CDK14: variants seen among roughly 807,000 people sequenced by gnomAD.
CDK14 encodes cyclin-dependent kinase 14.
In CDK14, 34 loss-of-function variants were observed where a neutral mutation model predicts 60.7. That is an observed-to-expected ratio of 0.56 (90% confidence interval 0.43 to 0.75). The LOEUF (loss-of-function observed/expected upper bound fraction) is 0.75, where lower values mean the gene tolerates loss of function less well. CDK14 is among the 30% of genes least tolerant of loss of function. The probability of loss-of-function intolerance (pLI) is 0.00; values close to 1 mark genes in which losing one functional copy is unlikely to be tolerated. For synonymous variants in CDK14, 197 were observed against 203.7 expected (o/e 0.97, Z 0.28); for missense variants, 482 against 564.1 (o/e 0.85, Z 1.47).
chr7:90,631,088 C>T (rs1190672356), intron 2 of CDK14, among the ~76,000 whole-genome samples: 1 of 152,160 alleles, frequency 6.6e-6, no homozygotes, highest in African/African-American at 2.4e-5. Context: ...CAGAACCCCC[C>T]TTCTCATGGA....
chr7:90,613,604 T>C (rs1010469491), intron 2 of CDK14, among the ~76,000 whole-genome samples: 1 of 152,068 alleles, frequency 6.6e-6, no homozygotes, highest in Non-Finnish European at 1.5e-5. Context: ...AGAGAATTGC[T>C]TGAACCTGGG....
chr7:91,081,545 A>G (rs1050073205), intron 12 of CDK14, among the ~76,000 whole-genome samples: 9 of 152,212 alleles, frequency 5.9e-5, no homozygotes, highest in African/African-American at 2.2e-4. Context: ...TTAAGTAACA[A>G]TGCTTTTAAA....
intron 11 of CDK14, 125 bp from the exon 12 acceptor site, chr7:91,079,306 AC>A: frequency 1.6e-6 from 1 of 608,932 alleles, no homozygotes; most frequent in South Asian, 2.2e-5. Flanking sequence ...AAAAGTGAAG[AC>A]CTTACTATGC....
intron 9 of CDK14, among the ~76,000 whole-genome samples, chr7:90,981,919 A>G (rs1383899154): frequency 6.6e-6 from 1 of 152,136 alleles, no homozygotes; most frequent in Non-Finnish European, 1.5e-5. Context: ...GTAGCCATTC[A>G]TGCTACTTCC....
chr7:91,127,030 G>GTT (rs1799971157), intron 14 of CDK14, among the ~76,000 whole-genome samples: 1 of 152,064 alleles, frequency 6.6e-6, no homozygotes, highest in Non-Finnish European at 1.5e-5. Context: ...GGCAGGGGGT[G>GTT]CCACCTGGAA....
chr7:91,100,145 G>A (rs1037095495), intron 12 of CDK14, among the ~76,000 whole-genome samples: 1 of 152,092 alleles, frequency 6.6e-6, no homozygotes, highest in Non-Finnish European at 1.5e-5. Context: ...TGACTGACAG[G>A]TTTGTACTAC....
chr7:90,716,009 A>G (rs1802236972), intron 2 of CDK14, among the ~76,000 whole-genome samples: 1 of 152,064 alleles, frequency 6.6e-6, no homozygotes, highest in Admixed American at 6.6e-5. Flanking sequence ...TATGATATGA[A>G]TTCTGCACTC....
intron 7 of CDK14, among the ~76,000 whole-genome samples, chr7:90,916,263 C>T (rs1036551228): frequency 1.3e-5 from 2 of 152,094 alleles, no homozygotes; most frequent in African/African-American, 4.8e-5. Context: ...GTATAAGAAG[C>T]GTTGAGAGGA....
chr7:90,668,530 A>AT (rs888908524), intron 2 of CDK14, among the ~76,000 whole-genome samples: 3 of 151,286 alleles, frequency 2.0e-5, no homozygotes, highest in African/African-American at 4.9e-5. Flanking sequence ...CAATTTGTCT[A>AT]TTTTTTCTTT....
intron 2 of CDK14, among the ~76,000 whole-genome samples, chr7:90,671,448 A>G (rs1291935060): frequency 6.6e-6 from 1 of 152,210 alleles, no homozygotes; most frequent in African/African-American, 2.4e-5. Context: ...AAAAAACAAA[A>G]CTAAAGAAAG....
rs145020379 is a variant in CDK14, at chr7:91,046,780, A to G, written c.1105+820A>G. On this transcript the variant is annotated intron_variant, in intron 11 of 14. Coordinates refer to ENST00000380050, the MANE Select transcript of CDK14 (RefSeq NM_001287135.2). ...CTGAAAGGGATTTTATAGAAGCTCT[A>G]ATAGTCTATTATCCTATGAGGGAAA... Among the ~76,000 whole-genome samples the G allele has an allele frequency of 1.4e-3, 220 of 152,258 alleles. 1 individual carries two copies. The highest frequency in any genetic ancestry group is 6.8e-3 in the Middle Eastern group (2 of 294).
chr7:91,013,296 A>G (rs1382364269), intron 10 of CDK14, among the ~76,000 whole-genome samples: 1 of 151,816 alleles, frequency 6.6e-6, no homozygotes, highest in African/African-American at 2.4e-5. Flanking sequence ...AGCTAGTATT[A>G]AACTCATCTA....
At chr7:90,699,213 A>G (rs1169033501) in intron 2 of CDK14, among the ~76,000 whole-genome samples, 1 of 152,230 alleles carries the variant, frequency 6.6e-6, no homozygotes. Context: ...TGGCTGATAC[A>G]GAAGAAAGTG....
At chr7:90,789,893 C>T (rs1217939721) in intron 4 of CDK14, among the ~76,000 whole-genome samples, 2 of 152,046 alleles carry the variant, frequency 1.3e-5, no homozygotes, top group Non-Finnish European at 2.9e-5. Flanking sequence ...CTCCATAGCA[C>T]AATCTTACTT....
At chr7:90,722,659 C>T (rs1043547205) in intron 2 of CDK14, among the ~76,000 whole-genome samples, 3 of 151,490 alleles carry the variant, frequency 2.0e-5, no homozygotes, top group Non-Finnish European at 4.4e-5. Context: ...CGGCCCTCTT[C>T]TGTCTTAATG....
At chr7:90,829,784 C>T (rs535530347) in intron 5 of CDK14, among the ~76,000 whole-genome samples, 2 of 152,276 alleles carry the variant, frequency 1.3e-5, no homozygotes, top group South Asian at 2.1e-4. Flanking sequence ...ACACCCGCCT[C>T]GGCCTCCCAA....
At chr7:90,906,573 A>C (rs1034761727) in intron 7 of CDK14, among the ~76,000 whole-genome samples, 1 of 152,122 alleles carries the variant, frequency 6.6e-6, no homozygotes, top group Non-Finnish European at 1.5e-5. Context: ...CAGTATATAT[A>C]AACATTTTAA....
At chr7:90,984,664 G>A (rs1368661414) in intron 10 of CDK14, among the ~76,000 whole-genome samples, 1 of 152,146 alleles carries the variant, frequency 6.6e-6, no homozygotes, top group African/African-American at 2.4e-5. Context: ...TTACAGTGGA[G>A]ACACCAGTTA....
chr7:90,966,048 G>A (rs910018989), intron 9 of CDK14, among the ~76,000 whole-genome samples: 9 of 152,106 alleles, frequency 5.9e-5, no homozygotes, highest in South Asian at 2.1e-4. Context: ...AAAGAATAAC[G>A]TGTTTTAGCT....
Sources: gnomAD v4.1 joint callset for allele counts (sites outside exome capture counted in the v4.1 genomes callset) on GRCh38, gnomAD v4.1.1 for gene constraint, MANE v1.5 for transcripts, NCBI Gene and HGNC (gene_info 2026-07-23, HGNC 2026-07-21) for gene names.